The following CYTH3 variants were observed in gnomAD, a reference collection of about 807,000 sequenced individuals.
CYTH3 encodes cytohesin-3.
Under a neutral mutation model 55.1 loss-of-function variants are expected in CYTH3, and 23 were observed. The observed-to-expected ratio is 0.42, with a 90% CI of 0.30 to 0.59. The LOEUF (loss-of-function observed/expected upper bound fraction) is 0.59, where lower values mean the gene tolerates loss of function less well. CYTH3 is among the 20% of genes least tolerant of loss of function. The pLI is 0.20. For synonymous variants in CYTH3, 249 were observed against 194.9 expected, an observed-to-expected ratio of 1.28 and a Z score of -2.31; for missense variants, 413 against 524.8, an observed-to-expected ratio of 0.79 and a Z score of 2.08.
intron 1 of CYTH3, among the ~76,000 whole-genome samples, chr7:6,242,975 A>G (rs1212600055): frequency 5.9e-5 from 9 of 152,126 alleles, no homozygotes; most frequent in Admixed American, 5.9e-4. Context: ...CAAGTTTCAC[A>G]GCTTGCCATG....
chr7:6,187,615 G>C, intron 3 of CYTH3, 42 bp downstream of exon 3: 3 of 1,556,654 alleles, frequency 1.9e-6, no homozygotes, highest in Non-Finnish European at 2.7e-6. Context: ...GAGGTAGAAA[G>C]AAAAGAGTAA....
chr7:6,272,295 C>T (rs1209733111), intron 1 of CYTH3, among the ~76,000 whole-genome samples, 179 bp downstream of exon 1: 4 of 151,690 alleles, frequency 2.6e-5, no homozygotes, highest in African/African-American at 7.3e-5. Flanking sequence ...TCCCTCGGCC[C>T]CCGGAGACCC....
rs778109604 is a variant in CYTH3 at position 6,170,730 on chromosome 7, G to T, written c.712-84C>A. 5.2e-5 allele frequency: 82 copies of T among 1,566,966 alleles called. No homozygotes were observed. Among genetic ancestry groups the T allele is most frequent in the Non-Finnish European group, 6.8e-5 (78 of 1,153,754 alleles). On this transcript the variant is annotated intron_variant, in intron 8 of 12. Coordinates refer to ENST00000350796, the MANE Select transcript of CYTH3 (RefSeq NM_004227.4). This position sits in a 1 kb window ranked among gnomAD's most constrained non-coding sequence, Gnocchi z 7.8. ...CAGAAAGCTCAGCGGGACCAGGGCG[G>T]CAAGGAGGCTTGGGAGGCGTGTCTA...
intron 1 of CYTH3, among the ~76,000 whole-genome samples, chr7:6,263,353 TTATC>T (rs1365815084): frequency 6.6e-6 from 1 of 152,120 alleles, no homozygotes; most frequent in African/African-American, 2.4e-5. Flanking sequence ...AAGCAATCTG[TTATC>T]TATTAAAACT....
intron 1 of CYTH3, among the ~76,000 whole-genome samples, chr7:6,236,624 T>A (rs951909027): frequency 6.6e-6 from 1 of 152,084 alleles, no homozygotes; most frequent in Non-Finnish European, 1.5e-5. Context: ...AGTGGCATGA[T>A]CTCAGCTCAC....
chr7:6,259,796 TATATATATA>T (rs1780279068), intron 1 of CYTH3, among the ~76,000 whole-genome samples: 1 of 21,834 alleles, frequency 4.6e-5, no homozygotes, highest in South Asian at 1.3e-3. Flanking sequence ...TATATATATA[TATATATATA>T]TATATATAAT....
At chr7:6,267,744 G>A (rs770072485) in intron 1 of CYTH3, among the ~76,000 whole-genome samples, 1 of 152,072 alleles carries the variant, frequency 6.6e-6, no homozygotes, top group Non-Finnish European at 1.5e-5. Context: ...GACTGGTCTC[G>A]AACTCCTGAC....
At chr7:6,194,593 A>T (rs1783875657) in intron 1 of CYTH3, among the ~76,000 whole-genome samples, 1 of 152,268 alleles carries the variant, frequency 6.6e-6, no homozygotes, top group Admixed American at 6.5e-5. Flanking sequence ...ATGACCCAGC[A>T]ATTTTACTCC....
intron 1 of CYTH3, among the ~76,000 whole-genome samples, chr7:6,258,218 TG>T (rs1356464997): frequency 1.3e-5 from 2 of 148,730 alleles, no homozygotes; most frequent in Admixed American, 6.7e-5. Context: ...GAGGCTGAGG[TG>T]GGGGGATCAC....
intron 1 of CYTH3, among the ~76,000 whole-genome samples, chr7:6,265,688 G>T (rs537855567): frequency 6.6e-6 from 1 of 152,104 alleles, no homozygotes; most frequent in Admixed American, 6.5e-5. Flanking sequence ...CATGGCCATG[G>T]TAAGGTGGTC....
intron 4 of CYTH3, among the ~76,000 whole-genome samples, chr7:6,182,329 C>T (rs1309373823): frequency 2.6e-5 from 4 of 152,156 alleles, no homozygotes; most frequent in Non-Finnish European, 4.4e-5. Flanking sequence ...GGATTACAGG[C>T]GTGAGCCACC....
chr7:6,243,118 A>G (rs957475603), intron 1 of CYTH3, among the ~76,000 whole-genome samples: 1 of 152,206 alleles, frequency 6.6e-6, no homozygotes, highest in Admixed American at 6.5e-5. Context: ...TTCTTCCCCA[A>G]AACTTGTCAA....
chr7:6,211,190 G>A (rs1183051315), intron 1 of CYTH3, among the ~76,000 whole-genome samples: 1 of 152,158 alleles, frequency 6.6e-6, no homozygotes, highest in African/African-American at 2.4e-5. Context: ...GCACCTGGCT[G>A]GCTCCAGCTC....
At chr7:6,203,485 T>G (rs1784108034) in intron 1 of CYTH3, among the ~76,000 whole-genome samples, 1 of 152,164 alleles carries the variant, frequency 6.6e-6, no homozygotes, top group Admixed American at 6.5e-5. Context: ...CATTGATACT[T>G]TCTGGTAAGA....
Position 6,162,072 on chromosome 7 carries a change from T to C in CYTH3, c.*2872A>G, listed in dbSNP as rs1421751676. The stretch of plus-strand genomic sequence containing the variant: ...CTAACTTCTCAGCAAAGCATATCTA[T>C]GTAGATATCTGCGTTTGTAACTTTA... On this transcript the variant is annotated 3_prime_UTR_variant, in exon 13 of 13. Transcript: ENST00000350796. 2.0e-5 allele frequency: 3 copies of C among 152,692 alleles called. No individual in the cohort carries two copies. The highest frequency in any genetic ancestry group is 4.4e-5 in the Non-Finnish European group (3 of 68,048). 9.5% of individuals were successfully genotyped at this position (152,692 alleles called of 1,614,324 possible).
intron 1 of CYTH3, among the ~76,000 whole-genome samples, chr7:6,253,694 T>C (rs1183151309): frequency 6.6e-6 from 1 of 152,076 alleles, no homozygotes; most frequent in Non-Finnish European, 1.5e-5. Flanking sequence ...TAGGCACCTG[T>C]AGTCCCAGCT....
At chr7:6,228,247 C>G (rs1779301769) in intron 1 of CYTH3, among the ~76,000 whole-genome samples, 1 of 152,198 alleles carries the variant, frequency 6.6e-6, no homozygotes, top group South Asian at 2.1e-4. Context: ...AAGTACAGCA[C>G]ATTCATAACA....
At chr7:6,226,063 G>A (rs1450554681) in intron 1 of CYTH3, among the ~76,000 whole-genome samples, 1 of 152,126 alleles carries the variant, frequency 6.6e-6, no homozygotes, top group Non-Finnish European at 1.5e-5. Flanking sequence ...TCATCCCTAG[G>A]TGGCCGAGAA....
At position 6,187,731 on chromosome 7, in the gene CYTH3, A is replaced by C; in HGVS notation, c.118-10T>G. 1 of 1,613,872 alleles carries C rather than the reference A, an allele frequency of 6.2e-7. No individual in the cohort carries two copies. The highest frequency in any genetic ancestry group is 8.5e-7 in the Non-Finnish European group (1 of 1,179,768). ...TTTCATATTTCAGCCTCTGTCAAAA[A>C]AGAAGAATTTCGAGGTGGGGAGTGG... On this transcript the variant is annotated splice_polypyrimidine_tract_variant and intron_variant, in intron 2 of 12. Coordinates refer to ENST00000350796, the MANE Select transcript of CYTH3 (RefSeq NM_004227.4).
Sources: allele counts gnomAD v4.1 joint callset (sites outside exome capture counted in the v4.1 genomes callset), GRCh38; gene constraint gnomAD v4.1.1; non-coding constraint Gnocchi (gnomAD v3.1); transcripts MANE v1.5; gene names NCBI Gene and HGNC (gene_info 2026-07-23, HGNC 2026-07-21).